The following LENG1 variants were observed in gnomAD, a reference collection of about 807,000 sequenced individuals.
LENG1 encodes the protein leukocyte receptor cluster (LRC) member 1.
In LENG1, 35 loss-of-function variants were observed where a neutral mutation model predicts 28.8. The ratio of observed to expected loss-of-function variants is 1.22; its 90% CI spans 0.93 to 1.61. The LOEUF is 1.61. LENG1 is among the 40% of genes most tolerant of loss of function. LENG1 has a pLI of 0.00. For synonymous variants in LENG1, 170 were observed against 140.6 expected (o/e 1.21, Z -1.48); for missense variants, 404 against 348.9 (o/e 1.16, Z -1.26).
Position 54,155,180 on chromosome 19 carries a change from C to T in LENG1, c.*541G>A, listed in dbSNP as rs1339710225. The T allele has an allele frequency of 4.0e-6, 4 of 987,980 alleles. No individual in the cohort carries two copies. The highest frequency in any genetic ancestry group is 2.7e-5 in the East Asian group (1 of 36,876). The allele number at this position is 987,980 out of a possible 1,614,324, so 61.2% of individuals were successfully genotyped here. ...TTGTGAGGATGGATGAGAGTGTGTG[C>T]GTGCAGGGCAGCTGGCCCGGTGCCT... On this transcript the variant is annotated 3_prime_UTR_variant, in exon 4 of 4. Transcript: ENST00000222224.
Position 54,156,866 on chromosome 19 carries a change from GCAGAGGGTC to G in LENG1, c.463_471del (p.Asp155_Leu157del). On this transcript the variant is annotated inframe_deletion, in exon 3 of 4. Coordinates refer to ENST00000222224, the MANE Select transcript of LENG1 (RefSeq NM_024316.3). Reference sequence around the variant, plus strand: ...TTCCCCAGATGCTTCTGCATCTCCCGCAGAGGGTCCAGACGGCTCTTGATCTTCTCATCT... The same window carrying G: ...TTCCCCAGATGCTTCTGCATCTCCCGCAGACGGCTCTTGATCTTCTCATCT... 3.1e-6 allele frequency: 5 copies of G among 1,598,338 alleles called. No individual in the cohort carries two copies. The highest frequency in any genetic ancestry group is 4.3e-6 in the Non-Finnish European group (5 of 1,167,866).
chr19:54,155,889 A>T lies in LENG1; in HGVS notation c.627T>A (p.Ala209=). 6.2e-7 allele frequency: 1 copy of T among 1,612,852 alleles called. No individual in the cohort carries two copies. Among genetic ancestry groups the T allele is most frequent in the Non-Finnish European group, 8.5e-7 (1 of 1,179,808 alleles). ...LRAERLRREA[A]ERSRAEALLA... ...GCAGGGCCTCTGCCCGAGACCTCTC[A>T]GCTGCTTCCCTCCGCAGACGTTCAG... The change falls in exon 4 of 4, where the codon GCT becomes GCA. Residue 209 remains alanine (A), a synonymous_variant. Transcript: ENST00000222224.
Position 54,159,572 on chromosome 19 carries a change from G to T in LENG1, c.124C>A (p.Gln42Lys). 6.3e-7 allele frequency: 1 copy of T among 1,577,846 alleles called. No individual in the cohort carries two copies. ...CCGGCTTCCGAGCTTACCTCTTGCT[G>T]AGCCAGCAGCACCCTCCGCTCACGC... ...KERERRVLLA[Q>K]QEARTEFLRK... Residue 42 changes from glutamine (Q) to lysine (K), a missense_variant, in exon 1 of 4, where the codon CAG becomes AAG. Coordinates refer to ENST00000222224, the MANE Select transcript of LENG1 (RefSeq NM_024316.3).
chr19:54,158,208 ACCAAT>A (rs1379821901), intron 2 of LENG1, 69 bp downstream of exon 2: 4 of 1,368,744 alleles, frequency 2.9e-6, no homozygotes, highest in Non-Finnish European at 4.1e-6. Flanking sequence ...CTTGGTCACA[ACCAAT>A]GGCTAAAGTG....
In LENG1 at chr19:54,155,617, G is replaced by C; in HGVS notation, c.*104C>G. 1 of 1,251,588 alleles carries C rather than the reference G, an allele frequency of 8.0e-7. No individual in the cohort carries two copies. Among genetic ancestry groups the C allele is most frequent in the Non-Finnish European group, 1.1e-6 (1 of 904,854 alleles). The allele number at this position is 1,251,588 out of a possible 1,614,324, so 77.5% of individuals were successfully genotyped here. ...TGCCCCCTCCTCCCCTCCCCAGTGA[G>C]GGACATTTTTTGGTAAACCTATTTT... On this transcript the variant is annotated 3_prime_UTR_variant, in exon 4 of 4. Coordinates refer to ENST00000222224, the MANE Select transcript of LENG1 (RefSeq NM_024316.3).
Position 54,155,468 on chromosome 19 carries a change from G to A in LENG1, c.*253C>T, listed in dbSNP as rs1281589228. The A allele has an allele frequency of 1.7e-6, 2 of 1,180,832 alleles. No homozygotes were observed. Among genetic ancestry groups the A allele is most frequent in the Non-Finnish European group, 2.4e-6 (2 of 824,796 alleles). 73.1% of individuals were successfully genotyped at this position (1,180,832 alleles called of 1,614,324 possible). A position where few individuals can be genotyped will look rare whatever the true frequency, so the allele number is the denominator to read the frequency against. ...CATGCTGATCCCCCTGCCCAGGTGA[G>A]GGCCCTGCCCTGGAAGACTGGAGGG... On this transcript the variant is annotated 3_prime_UTR_variant, in exon 4 of 4. Coordinates refer to ENST00000222224, the MANE Select transcript of LENG1 (RefSeq NM_024316.3).
rs1301287877 is a variant in LENG1, at chr19:54,155,273, C to T, written c.*448G>A. The T allele has an allele frequency of 1.9e-6, 3 of 1,609,826 alleles. No homozygotes were observed. Among genetic ancestry groups the T allele is most frequent in the Admixed American group, 1.7e-5 (1 of 59,864 alleles). ...TCCGGCCCAGATCCCAGACCACCTC[C>T]TCGTCCACTCACTGACCGCCTTCTC... On this transcript the variant is annotated 3_prime_UTR_variant, in exon 4 of 4. Transcript: ENST00000222224.
Position 54,155,262 on chromosome 19 carries a change from C to G in LENG1, c.*459G>C. 1 of 1,606,606 alleles carries G rather than the reference C, an allele frequency of 6.2e-7. No homozygotes were observed. The highest frequency in any genetic ancestry group is 8.5e-7 in the Non-Finnish European group (1 of 1,177,700). On this transcript the variant is annotated 3_prime_UTR_variant, in exon 4 of 4. Coordinates refer to ENST00000222224, the MANE Select transcript of LENG1 (RefSeq NM_024316.3). ...TTGTCTGTTGGTCCGGCCCAGATCC[C>G]AGACCACCTCCTCGTCCACTCACTG...
chr19:54,157,152 G>A (rs1568707190), intron 2 of LENG1, 127 bp from the exon 3 acceptor site: 1 of 688,656 alleles, frequency 1.5e-6, no homozygotes, highest in South Asian at 2.8e-5. Flanking sequence ...ACCAGGTGCT[G>A]GGGATGGAAG....
chr19:54,158,252 C>G, intron 2 of LENG1, 30 bp downstream of exon 2: 1 of 1,599,792 alleles, frequency 6.3e-7, no homozygotes, highest in Non-Finnish European at 8.6e-7. Flanking sequence ...ATTCATGGCC[C>G]CTCTGATGAA....
chr19:54,159,445 C>T (rs562350999), intron 1 of LENG1, 119 bp downstream of exon 1: 2 of 1,127,362 alleles, frequency 1.8e-6, no homozygotes, highest in Admixed American at 3.2e-5. Context: ...GGATCGGCGC[C>T]TGGTCCCGAA....
At position 54,157,736 on chromosome 19, in the gene LENG1, A is replaced by T. The variant is rs1000427269; in HGVS notation, c.312+546T>A. Among the ~76,000 whole-genome samples, 5 of 147,448 alleles carry T rather than the reference A, an allele frequency of 3.4e-5. No homozygotes were observed. In the East Asian group the frequency reaches 1.0e-3, roughly 31 times the overall value. ...AGGCGATTGATTCACTTTTTGTTTG[A>T]TTGTTTTGAGATGGGGTCTCGCTCT... On this transcript the variant is annotated intron_variant, in intron 2 of 3. Coordinates refer to ENST00000222224, the MANE Select transcript of LENG1 (RefSeq NM_024316.3).
intron 3 of LENG1, 28 bp downstream of exon 3, chr19:54,156,735 C>T: frequency 6.3e-7 from 1 of 1,587,488 alleles, no homozygotes; most frequent in Non-Finnish European, 8.6e-7. Context: ...GGTCTGGGCC[C>T]TGGTCTGCCG....
chr19:54,158,427 T>G lies in LENG1; in HGVS notation c.167A>C (p.His56Pro). Residue 56 changes from histidine (H) to proline (P), a missense_variant, in exon 2 of 4, where the codon CAT (histidine) becomes CCT (proline). Coordinates refer to ENST00000222224, the MANE Select transcript of LENG1 (RefSeq NM_024316.3). ...TTCAAGCTCAGGCAGTGAGTTCTGA[T>G]GTCTGGCTTTCTTCCGTAGGAATTC... is the stretch of plus-strand genomic sequence containing the variant. ...RTEFLRKKAR[H>P]QNSLPELEAA... 1 of 1,614,194 alleles carries G rather than the reference T, an allele frequency of 6.2e-7. No homozygotes were observed. Among genetic ancestry groups the G allele is most frequent in the Non-Finnish European group, 8.5e-7 (1 of 1,180,010 alleles).
chr19:54,156,905 C>T lies in LENG1; in HGVS notation c.433G>A (p.Ala145Thr), dbSNP rs2075400527. Reference protein sequence around the residue: ...PGRGGPPPGPAPDEKIKSRLD... With the variant: ...PGRGGPPPGPTPDEKIKSRLD... The stretch of plus-strand genomic sequence containing the variant: ...CGGCTCTTGATCTTCTCATCTGGGG[C>T]TGGGCCGGGCGGGGGGCCCCCTCGC... The change falls in exon 3 of 4, where the codon GCC (alanine) becomes ACC (threonine). Residue 145 changes from alanine to threonine, a missense_variant. Coordinates refer to ENST00000222224, the MANE Select transcript of LENG1 (RefSeq NM_024316.3). 3 of 741,608 alleles carry T rather than the reference C, an allele frequency of 4.0e-6. No homozygotes were observed. Among genetic ancestry groups the T allele is most frequent in the Non-Finnish European group, 6.8e-6 (3 of 439,398 alleles). 45.9% of individuals were successfully genotyped at this position (741,608 alleles called of 1,614,324 possible).
At chr19:54,158,722 A>T (rs771676170) in intron 1 of LENG1, among the ~76,000 whole-genome samples, 2 of 152,212 alleles carry the variant, frequency 1.3e-5, no homozygotes, top group Non-Finnish European at 2.9e-5. Flanking sequence ...GCCTAAACCA[A>T]AGGGGTTCCT....
chr19:54,155,223 A>G lies in LENG1; in HGVS notation c.*498T>C. 2 of 1,552,488 alleles carry G rather than the reference A, an allele frequency of 1.3e-6. No homozygotes were observed. The highest frequency in any genetic ancestry group is 2.7e-5 in the African/African-American group (2 of 73,380). ...CGGTGCCTGACACATCCACAGCCCT[A>G]AGAATTGTCCCCTTTGTCTGTTGGT... On this transcript the variant is annotated 3_prime_UTR_variant, in exon 4 of 4. Transcript: ENST00000222224.
intron 2 of LENG1, 30 bp downstream of exon 2, chr19:54,158,252 C>A (rs375472540): frequency 3.0e-5 from 48 of 1,599,674 alleles, no homozygotes; most frequent in Non-Finnish European, 3.9e-5. Context: ...ATTCATGGCC[C>A]CTCTGATGAA....
chr19:54,155,586 G>T lies in LENG1; in HGVS notation c.*135C>A. ...AGCCCCACCCTGGGGGCCCGGGGGC[G>T]AGGGCTGCCCCCTCCTCCCCTCCCC... On this transcript the variant is annotated 3_prime_UTR_variant, in exon 4 of 4. Transcript: ENST00000222224. 9.5e-7 allele frequency: 1 copy of T among 1,047,124 alleles called. No individual in the cohort carries two copies. Among genetic ancestry groups the T allele is most frequent in the Non-Finnish European group, 1.4e-6 (1 of 730,136 alleles). 64.9% of individuals were successfully genotyped at this position (1,047,124 alleles called of 1,614,324 possible). A position where few individuals can be genotyped will look rare whatever the true frequency, so the allele number is the denominator to read the frequency against.
Sources: gnomAD v4.1 joint callset for allele counts (sites outside exome capture counted in the v4.1 genomes callset) on GRCh38, gnomAD v4.1.1 for gene constraint, MANE v1.5 for transcripts, NCBI Gene and HGNC (gene_info 2026-07-23, HGNC 2026-07-21) for gene names.